DOK6: variants seen among roughly 807,000 people sequenced by gnomAD.
The protein encoded by DOK6 is downstream of tyrosine kinase 6.
Under a neutral mutation model 44.0 loss-of-function variants are expected in DOK6, and 22 were observed. The ratio of observed to expected loss-of-function variants is 0.50; its 90% CI spans 0.36 to 0.71. The LOEUF is 0.71. DOK6 is among the 30% of genes least tolerant of loss of function. The pLI, the probability that DOK6 is intolerant of heterozygous loss-of-function variation, is 0.00. For missense variants in DOK6, 340 were observed against 416.4 expected (o/e 0.82, Z 1.60); for synonymous variants, 166 against 145.5 (o/e 1.14, Z -1.01).
chr18:69,697,218 C>T (rs922488366), intron 4 of DOK6, among the ~76,000 whole-genome samples: 3 of 152,058 alleles, frequency 2.0e-5, no homozygotes, highest in Non-Finnish European at 2.9e-5. Context: ...AGCTCAGTAC[C>T]AGCAAACATG....
chr18:69,747,828 G>A (rs914613284), intron 6 of DOK6, among the ~76,000 whole-genome samples: 1 of 152,086 alleles, frequency 6.6e-6, no homozygotes, highest in Admixed American at 6.5e-5. Flanking sequence ...TCCTCACTCC[G>A]TAGCAGTCTT....
intron 2 of DOK6, among the ~76,000 whole-genome samples, chr18:69,577,024 C>T (rs1466370224): frequency 6.6e-6 from 1 of 152,090 alleles, no homozygotes; most frequent in African/African-American, 2.4e-5. Context: ...TGTATTGGGA[C>T]CAATCTCACT....
intron 1 of DOK6, among the ~76,000 whole-genome samples, chr18:69,534,402 T>C (rs1384139991): frequency 1.3e-5 from 2 of 152,188 alleles, no homozygotes; most frequent in Admixed American, 1.3e-4. Context: ...CTTCTGTATA[T>C]ACATGTATGT....
At chr18:69,689,722 C>T (rs574274544) in intron 4 of DOK6, among the ~76,000 whole-genome samples, 1 of 152,116 alleles carries the variant, frequency 6.6e-6, no homozygotes, top group African/African-American at 2.4e-5. Flanking sequence ...GTACAGTAAA[C>T]TCTATGAACC....
At chr18:69,606,157 A>T (rs1983990386) in intron 3 of DOK6, among the ~76,000 whole-genome samples, 2 of 151,940 alleles carry the variant, frequency 1.3e-5, no homozygotes, top group Admixed American at 6.6e-5. Flanking sequence ...CCGTAGTCCC[A>T]GCTACTTGGG....
intron 2 of DOK6, among the ~76,000 whole-genome samples, chr18:69,596,654 T>C (rs943453385): frequency 6.6e-6 from 1 of 151,852 alleles, no homozygotes; most frequent in African/African-American, 2.4e-5. Flanking sequence ...TACGATGAAA[T>C]AAAGGCATCG....
intron 7 of DOK6, among the ~76,000 whole-genome samples, chr18:69,773,074 A>G (rs1979936461): frequency 6.6e-6 from 1 of 152,092 alleles, no homozygotes; most frequent in South Asian, 2.1e-4. Context: ...ACAAATGGCC[A>G]ATAAGTACAT....
At chr18:69,630,916 G>T (rs185345911) in intron 3 of DOK6, among the ~76,000 whole-genome samples, 1 of 152,040 alleles carries the variant, frequency 6.6e-6, no homozygotes, top group Non-Finnish European at 1.5e-5. Context: ...AAAAGTAGAT[G>T]CCCCAAGTAA....
At chr18:69,643,376 C>G (rs927559312) in intron 3 of DOK6, among the ~76,000 whole-genome samples, 1 of 152,146 alleles carries the variant, frequency 6.6e-6, no homozygotes, top group Non-Finnish European at 1.5e-5. Flanking sequence ...TGAACAATTC[C>G]AACTCCACAG....
chr18:69,609,807 A>C (rs186598367), intron 3 of DOK6, among the ~76,000 whole-genome samples: 1 of 152,356 alleles, frequency 6.6e-6, no homozygotes, highest in Non-Finnish European at 1.5e-5. Flanking sequence ...GATTAAGAAA[A>C]TGTGGAATAT....
At chr18:69,704,778 C>T (rs1986597371) in intron 5 of DOK6, among the ~76,000 whole-genome samples, 1 of 152,112 alleles carries the variant, frequency 6.6e-6, no homozygotes, top group East Asian at 1.9e-4. Flanking sequence ...CATGCTAGGC[C>T]GATATGACTT....
At chr18:69,584,086 C>T (rs1599205690) in intron 2 of DOK6, among the ~76,000 whole-genome samples, 1 of 115,844 alleles carries the variant, frequency 8.6e-6, no homozygotes, top group African/African-American at 3.3e-5. Context: ...CCAGCCTGGG[C>T]AACACAGTGA....
At chr18:69,550,856 T>C (rs1355641909) in intron 1 of DOK6, among the ~76,000 whole-genome samples, 1 of 149,596 alleles carries the variant, frequency 6.7e-6, no homozygotes, top group Non-Finnish European at 1.5e-5. Context: ...CGATCTTGGC[T>C]CACTGAAACC....
chr18:69,488,575 A>T (rs751947931), intron 1 of DOK6, among the ~76,000 whole-genome samples: 1 of 152,224 alleles, frequency 6.6e-6, no homozygotes, highest in Non-Finnish European at 1.5e-5. Context: ...GAGGCCTCAC[A>T]ATCATGGGGG....
intron 4 of DOK6, among the ~76,000 whole-genome samples, chr18:69,694,603 G>A (rs985864086): frequency 6.6e-6 from 1 of 151,998 alleles, no homozygotes; most frequent in African/African-American, 2.4e-5. Flanking sequence ...CAGGCAATGT[G>A]TTTGGGACTT....
chr18:69,791,116 T>A lies in DOK6; in HGVS notation c.856+33243T>A, dbSNP rs558030451. Among the ~76,000 whole-genome samples the A allele has an allele frequency of 5.9e-5, 9 of 152,296 alleles. No individual in the cohort carries two copies. The South Asian group carries it at 1.9e-3, about 32-fold the overall frequency. On this transcript the variant is annotated intron_variant, in intron 7 of 7. Transcript: ENST00000382713. ...TGTTACCAATGACAGGATCTCATTCTTTTTTATAGCTGAATATGTCTTTAT... is the reference window on the plus strand; with the variant it reads ...TGTTACCAATGACAGGATCTCATTCATTTTTATAGCTGAATATGTCTTTAT...
intron 3 of DOK6, among the ~76,000 whole-genome samples, chr18:69,669,272 G>A (rs1985736292): frequency 6.6e-6 from 1 of 152,098 alleles, no homozygotes; most frequent in Admixed American, 6.5e-5. Context: ...CCCTCAAGTA[G>A]GCCCTGGCGT....
intron 3 of DOK6, among the ~76,000 whole-genome samples, chr18:69,616,242 G>C (rs1321357626): frequency 6.6e-6 from 1 of 152,242 alleles, no homozygotes; most frequent in East Asian, 1.9e-4. Context: ...CTTTGAACTT[G>C]ATGAAGAGTA....
At chr18:69,517,736 T>TA (rs1317685694) in intron 1 of DOK6, among the ~76,000 whole-genome samples, 1 of 151,952 alleles carries the variant, frequency 6.6e-6, no homozygotes, top group Admixed American at 6.6e-5. Flanking sequence ...TTGGTTTTTT[T>TA]TTTTTTAATT....
Sources: gnomAD v4.1 joint callset for allele counts (sites outside exome capture counted in the v4.1 genomes callset) on GRCh38, gnomAD v4.1.1 for gene constraint, MANE v1.5 for transcripts, NCBI Gene and HGNC (gene_info 2026-07-23, HGNC 2026-07-21) for gene names.